Variants in MAP1LC3B observed in about 807,000 individuals in gnomAD.
MAP1LC3B encodes the protein microtubule associated protein 1 light chain 3 beta, also known as microtubule-associated protein 1 light chain 3 beta.
Under a neutral mutation model 16.7 loss-of-function variants are expected in MAP1LC3B, and 12 were observed. The observed-to-expected ratio is 0.72, with a 90% CI of 0.46 to 1.16. The LOEUF (loss-of-function observed/expected upper bound fraction) is 1.16, where lower values mean the gene tolerates loss of function less well. MAP1LC3B is among the 50% of genes most tolerant of loss of function. MAP1LC3B has a pLI of 0.00. For missense variants in MAP1LC3B, 155 were observed against 159.5 expected, an observed-to-expected ratio of 0.97 and a Z score of 0.15; for synonymous variants, 63 against 56.5, an observed-to-expected ratio of 1.11 and a Z score of -0.51.
Position 87,402,156 on chromosome 16 carries a change from C to T in MAP1LC3B, c.97-19C>T. The T allele has an allele frequency of 1.9e-6, 3 of 1,613,654 alleles. No homozygotes were observed. The highest frequency in any genetic ancestry group is 1.1e-5 in the South Asian group (1 of 91,052). On this transcript the variant is annotated intron_variant, in intron 2 of 3. Transcript: ENST00000268607. Reference sequence around the variant, plus strand: ...GGCCCTGATGACTATTTTAAAATCACTTCTGGCTTCTTTTCCAGGTGATAA... The same window carrying T: ...GGCCCTGATGACTATTTTAAAATCATTTCTGGCTTCTTTTCCAGGTGATAA...
intron 1 of MAP1LC3B, among the ~76,000 whole-genome samples, chr16:87,396,333 G>A (rs1907801753): frequency 6.6e-6 from 1 of 151,952 alleles, no homozygotes; most frequent in Middle Eastern, 3.4e-3. Context: ...AAATTAGCCG[G>A]GCGTGGTGGC....
intron 2 of MAP1LC3B, 87 bp downstream of exon 2, chr16:87,398,957 G>A: frequency 8.5e-7 from 1 of 1,179,654 alleles, no homozygotes. Context: ...GGTTTTTACA[G>A]GAATCACCAG....
rs1907603044 is a variant in MAP1LC3B at position 87,392,341 on chromosome 16, C to T, written c.-87C>T. ...CAAGGGAAGTGGCTATCGCCAGAGT[C>T]GGATTCGCCGCCGCAGCAGCCGCCG... On this transcript the variant is annotated 5_prime_UTR_variant, in exon 1 of 4. Coordinates refer to ENST00000268607, the MANE Select transcript of MAP1LC3B (RefSeq NM_022818.5). 3.9e-6 allele frequency: 5 copies of T among 1,297,988 alleles called. No individual in the cohort carries two copies. The highest frequency in any genetic ancestry group is 4.1e-5 in the Admixed American group (1 of 24,490). 80.4% of individuals were successfully genotyped at this position (1,297,988 alleles called of 1,614,324 possible).
rs192368434 is a variant in MAP1LC3B at position 87,402,761 on chromosome 16, A to G, written c.204-162A>G. Among the ~76,000 whole-genome samples the G allele has an allele frequency of 1.6e-3, 244 of 152,388 alleles. 2 individuals carry two copies. Among genetic ancestry groups the G allele is most frequent in the Middle Eastern group, 6.8e-3 (2 of 294 alleles). On this transcript the variant is annotated intron_variant, in intron 3 of 3. Coordinates refer to ENST00000268607, the MANE Select transcript of MAP1LC3B (RefSeq NM_022818.5). ...CTTTCAGTGATTATAGCTCATGTCA[A>G]TATAATCAAAGGAAGTGTCCTGTGC... is the stretch of plus-strand genomic sequence containing the variant.
At chr16:87,396,753 AGAGAAG>A in intron 1 of MAP1LC3B, 1 of 152,212 alleles carries the variant, frequency 6.6e-6, no homozygotes, top group African/African-American at 2.4e-5. Context: ...GCTGGGAAGT[AGAGAAG>A]GAGTCAAAGG....
intron 1 of MAP1LC3B, among the ~76,000 whole-genome samples, chr16:87,397,565 C>T (rs147084112): frequency 6.6e-6 from 1 of 152,236 alleles, no homozygotes; most frequent in South Asian, 2.1e-4. Flanking sequence ...TTGCAGTGAG[C>T]GGAGATTGCA....
chr16:87,402,853 A>G (rs1908043124), intron 3 of MAP1LC3B, 70 bp from the exon 4 acceptor site: 2 of 1,573,188 alleles, frequency 1.3e-6, no homozygotes, highest in Non-Finnish European at 1.7e-6. Flanking sequence ...AGAGTGGGTG[A>G]TATTTTAACA....
At chr16:87,401,025 C>T (rs1396223312) in intron 2 of MAP1LC3B, among the ~76,000 whole-genome samples, 2 of 150,990 alleles carry the variant, frequency 1.3e-5, no homozygotes, top group African/African-American at 4.9e-5. Flanking sequence ...CCCAGCTACT[C>T]AGGAGGCTGA....
chr16:87,393,853 G>GC (rs1309705497), intron 1 of MAP1LC3B, among the ~76,000 whole-genome samples: 4 of 152,184 alleles, frequency 2.6e-5, no homozygotes, highest in Non-Finnish European at 4.4e-5. Flanking sequence ...CGATCCAGCG[G>GC]CCCCCCTCAG....
chr16:87,400,992 G>A (rs961768033), intron 2 of MAP1LC3B, among the ~76,000 whole-genome samples: 6 of 151,968 alleles, frequency 3.9e-5, no homozygotes, highest in African/African-American at 1.5e-4. Flanking sequence ...AATTAGCTGG[G>A]CGTGGTGGCG....
At chr16:87,399,754 G>T in intron 2 of MAP1LC3B, 1 of 337,708 alleles carries the variant, frequency 3.0e-6, no homozygotes, top group Non-Finnish European at 5.8e-6. Context: ...GCATAGTGAG[G>T]AGCCAATGGA....
At chr16:87,397,278 A>C (rs984441946) in intron 1 of MAP1LC3B, among the ~76,000 whole-genome samples, 1 of 152,326 alleles carries the variant, frequency 6.6e-6, no homozygotes, top group Non-Finnish European at 1.5e-5. Context: ...AGTCGAACTT[A>C]TGGCTGTACT....
intron 1 of MAP1LC3B, among the ~76,000 whole-genome samples, chr16:87,394,666 C>G (rs1214496580): frequency 6.6e-6 from 1 of 152,210 alleles, no homozygotes; most frequent in Non-Finnish European, 1.5e-5. Context: ...TGAATTCTTC[C>G]AGTCTCCAGT....
chr16:87,400,459 G>A (rs964239267), intron 2 of MAP1LC3B, among the ~76,000 whole-genome samples: 9 of 152,070 alleles, frequency 5.9e-5, no homozygotes, highest in East Asian at 1.9e-4. Context: ...GATTACAGGC[G>A]TGAGCCACCG....
At chr16:87,401,901 C>T (rs1423400481) in intron 2 of MAP1LC3B, among the ~76,000 whole-genome samples, 1 of 151,630 alleles carries the variant, frequency 6.6e-6, no homozygotes, top group African/African-American at 2.4e-5. Flanking sequence ...GGCGCGATCT[C>T]GGCTCACTGC....
intron 2 of MAP1LC3B, among the ~76,000 whole-genome samples, chr16:87,400,906 G>T (rs949277041): frequency 6.6e-6 from 1 of 151,844 alleles, no homozygotes; most frequent in African/African-American, 2.4e-5. Context: ...AGGCCGAGGC[G>T]GGTGGATCAC....
Position 87,392,362 on chromosome 16 carries a change from C to T in MAP1LC3B, c.-66C>T, listed in dbSNP as rs571136277. ...GAGTCGGATTCGCCGCCGCAGCAGCCGCCGCCCCCGGGAGCCGCCGGGACC... is the reference window on the plus strand; with the variant it reads ...GAGTCGGATTCGCCGCCGCAGCAGCTGCCGCCCCCGGGAGCCGCCGGGACC... On this transcript the variant is annotated 5_prime_UTR_variant, in exon 1 of 4. Coordinates refer to ENST00000268607, the MANE Select transcript of MAP1LC3B (RefSeq NM_022818.5). 2.2e-6 allele frequency: 3 copies of T among 1,361,922 alleles called. No homozygotes were observed. Among genetic ancestry groups the T allele is most frequent in the Admixed American group, 3.9e-5 (1 of 25,444 alleles). The allele number at this position is 1,361,922 out of a possible 1,614,324, so 84.4% of individuals were successfully genotyped here.
intron 1 of MAP1LC3B, among the ~76,000 whole-genome samples, chr16:87,393,651 TTAG>T (rs1476369990): frequency 6.6e-6 from 1 of 151,394 alleles, no homozygotes; most frequent in Non-Finnish European, 1.5e-5. Context: ...GCCTTTTTTG[TTAG>T]TAGTTTTCTT....
At chr16:87,402,741 A>G in intron 3 of MAP1LC3B, 182 bp from the exon 4 acceptor site, 1 of 728,596 alleles carries the variant, frequency 1.4e-6, no homozygotes, top group Non-Finnish European at 2.2e-6. Context: ...GTAATCTTTC[A>G]GTGATTATAG....
Sources: allele counts gnomAD v4.1 joint callset (sites outside exome capture counted in the v4.1 genomes callset), GRCh38; gene constraint gnomAD v4.1.1; transcripts MANE v1.5; gene names NCBI Gene and HGNC (gene_info 2026-07-23, HGNC 2026-07-21).